CA10: variants seen among roughly 807,000 people sequenced by gnomAD.
CA10 encodes carbonic anhydrase-related protein 10.
CA10 carries 14 observed loss-of-function variants against 44.2 expected under a neutral mutation model. The ratio of observed to expected loss-of-function variants is 0.32; its 90% CI spans 0.21 to 0.50. CA10 has a LOEUF of 0.50. Among genes scored for constraint, CA10 ranks in the 20% least tolerant of loss-of-function variants. CA10 has a pLI of 0.99. For synonymous variants in CA10, 159 were observed against 141.6 expected (o/e 1.12, Z -0.87); for missense variants, 350 against 409.7 (o/e 0.85, Z 1.26).
chr17:51,884,571 C>T (rs1433941565), intron 3 of CA10, among the ~76,000 whole-genome samples: 1 of 152,164 alleles, frequency 6.6e-6, no homozygotes, highest in Non-Finnish European at 1.5e-5. Context: ...TAAAATAGCA[C>T]ACAGCTTCTC....
chr17:51,631,618 G>GAGAA lies in CA10; in HGVS notation c.965-16_965-13dup, dbSNP rs1203537865. The GAGAA allele has an allele frequency of 1.9e-6, 3 of 1,606,530 alleles. No homozygotes were observed. In the African/African-American group the frequency reaches 4.1e-5, roughly 22 times the overall value. ...GAGCCATTCATTTACTGCAAAGAGA[G>GAGAA]AGAAAGAAAAAAAAAATCACACATA... On this transcript the variant is annotated splice_polypyrimidine_tract_variant and intron_variant, in intron 8 of 8. Coordinates refer to ENST00000451037, the MANE Select transcript of CA10 (RefSeq NM_020178.5).
chr17:51,922,959 G>A (rs1193166715), intron 3 of CA10, among the ~76,000 whole-genome samples: 1 of 152,034 alleles, frequency 6.6e-6, no homozygotes, highest in African/African-American at 2.4e-5. Flanking sequence ...CTCCTGGAAA[G>A]GATATAATTG....
intron 4 of CA10, among the ~76,000 whole-genome samples, chr17:51,704,462 G>A (rs1263965): frequency 0.47 from 71,912 of 152,038 alleles, 17,640 homozygotes; most frequent in African/African-American, 0.6. Context: ...TTTTTCATCC[G>A]TAAAATAATG....
intron 2 of CA10, among the ~76,000 whole-genome samples, chr17:51,961,773 G>A (rs980168286): frequency 6.6e-6 from 1 of 152,160 alleles, no homozygotes; most frequent in Non-Finnish European, 1.5e-5. Flanking sequence ...TGGTCACCTG[G>A]ATCAGCAGTC....
rs187186211 is a variant in CA10, at chr17:52,057,000, T to C, written c.136+15319A>G. Reference sequence around the variant, plus strand: ...ATTAGAGACACGACTTGGCCTACAGTAGCTCCACCAATCTGGAACCCTTTG... The same window carrying C: ...ATTAGAGACACGACTTGGCCTACAGCAGCTCCACCAATCTGGAACCCTTTG... On this transcript the variant is annotated intron_variant, in intron 2 of 8. Coordinates refer to ENST00000451037, the MANE Select transcript of CA10 (RefSeq NM_020178.5). 1.2e-3 allele frequency among the ~76,000 whole-genome samples: 183 copies of C among 152,188 alleles called. 5 individuals carry two copies. The South Asian group carries it at 0.022, about 19-fold the overall frequency.
chr17:52,133,544 T>C (rs1989288536), intron 1 of CA10, among the ~76,000 whole-genome samples: 1 of 152,074 alleles, frequency 6.6e-6, no homozygotes, highest in Non-Finnish European at 1.5e-5. Context: ...CAGTTGCATA[T>C]CAGAAACTGC....
chr17:51,996,854 C>T (rs1166361766), intron 2 of CA10, among the ~76,000 whole-genome samples: 1 of 152,080 alleles, frequency 6.6e-6, no homozygotes, highest in African/African-American at 2.4e-5. Flanking sequence ...GAGGACCCCA[C>T]TCCAGCCAAA....
chr17:51,847,045 A>C (rs1598078553), intron 3 of CA10, among the ~76,000 whole-genome samples: 1 of 152,322 alleles, frequency 6.6e-6, no homozygotes, highest in Non-Finnish European at 1.5e-5. Flanking sequence ...TAATAAACCC[A>C]AAACCATCCT....
At chr17:51,672,363 T>G (rs932086989) in intron 4 of CA10, among the ~76,000 whole-genome samples, 6 of 152,108 alleles carry the variant, frequency 3.9e-5, no homozygotes, top group African/African-American at 1.4e-4. Context: ...AGCACCTGGG[T>G]TGGGATCAGC....
chr17:51,828,282 C>A (rs1160938153), intron 3 of CA10, among the ~76,000 whole-genome samples: 6 of 152,180 alleles, frequency 3.9e-5, no homozygotes, highest in Non-Finnish European at 7.3e-5. Context: ...CTCAGAACAT[C>A]TATCTGCACC....
At chr17:51,797,434 C>A (rs1391513114) in intron 3 of CA10, among the ~76,000 whole-genome samples, 1 of 152,148 alleles carries the variant, frequency 6.6e-6, no homozygotes, top group African/African-American at 2.4e-5. Flanking sequence ...TGAATCCAGT[C>A]GTTCTTAAAC....
At chr17:51,947,092 G>A (rs530307521) in intron 2 of CA10, among the ~76,000 whole-genome samples, 22 of 152,124 alleles carry the variant, frequency 1.4e-4, no homozygotes, top group African/African-American at 5.3e-4. Flanking sequence ...AGAAATGACA[G>A]ACCTTTTTCT....
intron 1 of CA10, among the ~76,000 whole-genome samples, chr17:52,137,340 T>C (rs1401092008): frequency 6.6e-6 from 1 of 152,180 alleles, no homozygotes; most frequent in Non-Finnish European, 1.5e-5. Flanking sequence ...ATATAAAATA[T>C]TACTATTATC....
intron 2 of CA10, among the ~76,000 whole-genome samples, chr17:51,975,830 C>T (rs1350237269): frequency 6.8e-6 from 1 of 146,710 alleles, no homozygotes; most frequent in Non-Finnish European, 1.5e-5. Flanking sequence ...GAGGTCGCGC[C>T]GCTGCACTCC....
rs543662040 is a variant in CA10, at chr17:51,766,005, CA to C, written c.280-18188del. Among the ~76,000 whole-genome samples the C allele has an allele frequency of 2.3e-3, 346 of 152,160 alleles. 3 individuals carry two copies. Among genetic ancestry groups the C allele is most frequent in the African/African-American group, 7.9e-3 (326 of 41,520 alleles). On this transcript the variant is annotated intron_variant, in intron 3 of 8. Coordinates refer to ENST00000451037, the MANE Select transcript of CA10 (RefSeq NM_020178.5). ...GAAGGTGAAACAAACAGATGCAATT[CA>C]AAAACAGGAATGCCGGGCAGCAAAA...
intron 3 of CA10, among the ~76,000 whole-genome samples, chr17:51,910,553 T>G (rs1006894166): frequency 6.6e-6 from 1 of 152,158 alleles, no homozygotes; most frequent in Non-Finnish European, 1.5e-5. Flanking sequence ...TCAGATAGAA[T>G]GGCAGGATCT....
At chr17:51,919,089 A>G (rs1982121151) in intron 3 of CA10, among the ~76,000 whole-genome samples, 1 of 152,220 alleles carries the variant, frequency 6.6e-6, no homozygotes, top group African/African-American at 2.4e-5. Context: ...AGCTTAGAAG[A>G]AAATGAGCAT....
chr17:51,966,155 A>G (rs1984072573), intron 2 of CA10, among the ~76,000 whole-genome samples: 2 of 151,774 alleles, frequency 1.3e-5, no homozygotes, highest in South Asian at 2.1e-4. Context: ...TATCTAACCA[A>G]GGAGGTGAGA....
intron 2 of CA10, among the ~76,000 whole-genome samples, chr17:52,059,715 G>A (rs145994337): frequency 6.6e-6 from 1 of 152,038 alleles, no homozygotes; most frequent in African/African-American, 2.4e-5. Context: ...AAACTCAATG[G>A]CTGAAATATG....
Sources: allele counts gnomAD v4.1 joint callset (sites outside exome capture counted in the v4.1 genomes callset), GRCh38; gene constraint gnomAD v4.1.1; transcripts MANE v1.5; gene names NCBI Gene and HGNC (gene_info 2026-07-23, HGNC 2026-07-21).